The following DCC variants were observed in gnomAD, a reference collection of about 807,000 sequenced individuals.
The protein encoded by DCC is netrin receptor DCC.
A neutral mutation model predicts 172.5 loss-of-function variants in DCC; 58 were observed. The observed-to-expected ratio is 0.34, with a 90% CI of 0.27 to 0.42. The LOEUF is 0.42. DCC is among the 10% of genes least tolerant of loss of function. The probability of loss-of-function intolerance (pLI) is 1.00; values close to 1 mark genes in which losing one functional copy is unlikely to be tolerated. For synonymous variants in DCC, 709 were observed against 644.5 expected, an observed-to-expected ratio of 1.10 and a Z score of -1.52; for missense variants, 1,740 against 1,791.0, an observed-to-expected ratio of 0.97 and a Z score of 0.51.
chr18:53,027,091 G>A (rs548327068), intron 5 of DCC, among the ~76,000 whole-genome samples: 56 of 152,214 alleles, frequency 3.7e-4, no homozygotes, highest in African/African-American at 1.3e-3. Context: ...CTGACAGAGT[G>A]CTGTATTTCT....
intron 2 of DCC, among the ~76,000 whole-genome samples, chr18:52,831,257 A>C (rs1481966541): frequency 6.6e-6 from 1 of 152,168 alleles, no homozygotes; most frequent in South Asian, 2.1e-4. Flanking sequence ...TTAGTAGGAC[A>C]TGAGCTATGA....
intron 5 of DCC, among the ~76,000 whole-genome samples, chr18:52,953,515 C>T (rs529881362): frequency 6.6e-6 from 1 of 152,324 alleles, no homozygotes; most frequent in Non-Finnish European, 1.5e-5. Flanking sequence ...GAACAGTGGC[C>T]TGTCCCTACC....
At chr18:52,992,865 C>A (rs1324652155) in intron 5 of DCC, among the ~76,000 whole-genome samples, 2 of 151,892 alleles carry the variant, frequency 1.3e-5, no homozygotes, top group Non-Finnish European at 2.9e-5. Context: ...GTAATCCCAG[C>A]TACATCGGGA....
intron 14 of DCC, among the ~76,000 whole-genome samples, chr18:53,334,965 G>A (rs956142270): frequency 1.3e-5 from 2 of 152,160 alleles, no homozygotes; most frequent in Non-Finnish European, 2.9e-5. Flanking sequence ...ATGAGGAATT[G>A]CAGGATCATA....
intron 2 of DCC, among the ~76,000 whole-genome samples, chr18:52,863,242 T>C (rs1295014991): frequency 1.3e-5 from 2 of 151,988 alleles, no homozygotes; most frequent in South Asian, 2.1e-4. Context: ...ACTTTTCTTA[T>C]ACACTTTGCA....
At chr18:52,763,303 G>T (rs2145152249) in intron 2 of DCC, among the ~76,000 whole-genome samples, 1 of 152,272 alleles carries the variant, frequency 6.6e-6, no homozygotes, top group Middle Eastern at 3.4e-3. Flanking sequence ...TTTCAGTGCT[G>T]GTTGGTTTTA....
intron 12 of DCC, among the ~76,000 whole-genome samples, chr18:53,238,913 C>T (rs1301407059): frequency 1.3e-5 from 2 of 151,882 alleles, no homozygotes; most frequent in Non-Finnish European, 2.9e-5. Context: ...ATTATTTAAC[C>T]TTCACAAAAC....
chr18:53,036,673 C>T (rs992236060), intron 5 of DCC, among the ~76,000 whole-genome samples: 1 of 151,992 alleles, frequency 6.6e-6, no homozygotes, highest in Non-Finnish European at 1.5e-5. Context: ...AGATAGGTAG[C>T]ATAGGTAGCT....
intron 1 of DCC, among the ~76,000 whole-genome samples, chr18:52,342,640 G>A (rs1983706436): frequency 6.6e-6 from 1 of 152,138 alleles, no homozygotes; most frequent in Admixed American, 6.5e-5. Context: ...AAGTTCAGGG[G>A]GCATCCCTTA....
intron 3 of DCC, among the ~76,000 whole-genome samples, chr18:52,920,778 G>A (rs186417645): frequency 9.9e-5 from 15 of 152,164 alleles, no homozygotes; most frequent in Admixed American, 9.8e-4. Flanking sequence ...AAGCCACCAA[G>A]GTATTCTTCA....
chr18:52,642,694 C>A (rs1289400625), intron 1 of DCC, among the ~76,000 whole-genome samples: 2 of 152,000 alleles, frequency 1.3e-5, no homozygotes, highest in African/African-American at 4.8e-5. Context: ...GATAAAGTCT[C>A]ACTCTGTTGC....
intron 1 of DCC, among the ~76,000 whole-genome samples, chr18:52,386,965 C>T (rs1185067697): frequency 2.6e-5 from 4 of 151,966 alleles, no homozygotes; most frequent in Non-Finnish European, 4.4e-5. Flanking sequence ...TACTTAAAAG[C>T]CAGTAGTTTA....
chr18:53,205,473 C>A, intron 10 of DCC, 109 bp downstream of exon 10: 1 of 1,012,204 alleles, frequency 9.9e-7, no homozygotes, highest in Non-Finnish European at 1.6e-6. Flanking sequence ...TTGAAACAGC[C>A]CAGTGTTAAC....
At chr18:53,350,579 A>G (rs1035797115) in intron 15 of DCC, among the ~76,000 whole-genome samples, 1 of 116,078 alleles carries the variant, frequency 8.6e-6, no homozygotes, top group Non-Finnish European at 1.9e-5. Context: ...TTGCCTCTCC[A>G]TAATGTTTAA....
At chr18:53,006,026 G>A (rs999604048) in intron 5 of DCC, among the ~76,000 whole-genome samples, 4 of 152,062 alleles carry the variant, frequency 2.6e-5, no homozygotes, top group South Asian at 2.1e-4. Context: ...GACAAAATCA[G>A]GCAAGAGAAC....
chr18:53,185,777 A>G (rs1022610676), intron 9 of DCC, among the ~76,000 whole-genome samples: 1 of 152,244 alleles, frequency 6.6e-6, no homozygotes, highest in African/African-American at 2.4e-5. Flanking sequence ...ACAACTTTAA[A>G]TAGAATTCAC....
chr18:53,255,804 G>T (rs1338789974), intron 12 of DCC, among the ~76,000 whole-genome samples: 4 of 152,054 alleles, frequency 2.6e-5, no homozygotes, highest in Admixed American at 2.6e-4. Context: ...TTCCAAAATG[G>T]TTGAACTAGT....
At chr18:52,865,409 C>T (rs563633233) in intron 2 of DCC, among the ~76,000 whole-genome samples, 12 of 152,160 alleles carry the variant, frequency 7.9e-5, no homozygotes, top group South Asian at 2.1e-4. Flanking sequence ...CTTGAGGAAT[C>T]GCCACACTGT....
At chr18:52,707,573 T>G (rs1170965953) in intron 1 of DCC, among the ~76,000 whole-genome samples, 1 of 152,236 alleles carries the variant, frequency 6.6e-6, no homozygotes, top group Non-Finnish European at 1.5e-5. Flanking sequence ...TCCATGTTCA[T>G]TCAAGGGCTA....
Sources: allele counts gnomAD v4.1 joint callset (sites outside exome capture counted in the v4.1 genomes callset), GRCh38; gene constraint gnomAD v4.1.1; transcripts MANE v1.5; gene names NCBI Gene and HGNC (gene_info 2026-07-23, HGNC 2026-07-21).